CLDN1: variants seen among roughly 807,000 people sequenced by gnomAD.
CLDN1 encodes claudin 1, also known as claudin-1.
A neutral mutation model predicts 22.6 loss-of-function variants in CLDN1; 12 were observed. That is an observed-to-expected ratio of 0.53 (90% CI 0.34 to 0.86). CLDN1 has a LOEUF of 0.86. Among genes scored for constraint, CLDN1 ranks in the 40% least tolerant of loss-of-function variants. CLDN1 has a pLI of 0.02. For missense variants in CLDN1, 250 were observed against 269.5 expected, an observed-to-expected ratio of 0.93 and a Z score of 0.51; for synonymous variants, 99 against 103.8, an observed-to-expected ratio of 0.95 and a Z score of 0.28.
chr3:190,316,548 A>G (rs1716775100), intron 1 of CLDN1, among the ~76,000 whole-genome samples: 1 of 152,234 alleles, frequency 6.6e-6, no homozygotes, highest in South Asian at 2.1e-4. Context: ...TTTTATGTGC[A>G]GATCAAATCT....
chr3:190,316,423 G>A (rs971575281), intron 1 of CLDN1, among the ~76,000 whole-genome samples: 3 of 152,192 alleles, frequency 2.0e-5, no homozygotes, highest in Admixed American at 6.5e-5. Flanking sequence ...ATATACACAT[G>A]TAGTCACGCA....
At position 190,312,222 on chromosome 3, in the gene CLDN1, C is replaced by T. The variant is rs112210749; in HGVS notation, c.388+650G>A. ...CTGGGATTACAGGCGTGAACCACCA[C>T]ACCTGGCCTAAAAAACACGTATTTA... is the stretch of plus-strand genomic sequence containing the variant. On this transcript the variant is annotated intron_variant, in intron 2 of 3. Coordinates refer to ENST00000295522, the MANE Select transcript of CLDN1 (RefSeq NM_021101.5). Among the ~76,000 whole-genome samples the T allele has an allele frequency of 6.4e-4, 98 of 152,182 alleles. 1 individual carries two copies. Among genetic ancestry groups the T allele is most frequent in the Middle Eastern group, 3.4e-3 (1 of 294 alleles).
intron 3 of CLDN1, among the ~76,000 whole-genome samples, chr3:190,309,482 T>C (rs1305490274): frequency 6.6e-6 from 1 of 152,206 alleles, no homozygotes; most frequent in Non-Finnish European, 1.5e-5. Flanking sequence ...ATAATTATAT[T>C]TTAACATCCT....
chr3:190,319,625 A>G (rs3774019), intron 1 of CLDN1, among the ~76,000 whole-genome samples: 44,256 of 152,106 alleles, frequency 0.29, 6,716 homozygotes, highest in East Asian at 0.57. Context: ...CGGGAAGACA[A>G]GTGTGCTCTA....
intron 1 of CLDN1, 40 bp downstream of exon 1, chr3:190,321,944 G>A (rs1029635385): frequency 1.3e-6 from 2 of 1,526,962 alleles, no homozygotes; most frequent in African/African-American, 2.7e-5. Flanking sequence ...AGGGGGACTG[G>A]GGCCTCTGGA....
chr3:190,322,346 C>T lies in CLDN1; in HGVS notation c.-140G>A. 1.3e-6 allele frequency: 1 copy of T among 783,388 alleles called. No homozygotes were observed. The highest frequency in any genetic ancestry group is 2.1e-6 in the Non-Finnish European group (1 of 469,994). 48.5% of individuals were successfully genotyped at this position (783,388 alleles called of 1,614,324 possible). On this transcript the variant is annotated 5_prime_UTR_variant, in exon 1 of 4. Transcript: ENST00000295522. The stretch of plus-strand genomic sequence containing the variant: ...CGGGGAGCCCTGCTCGCTGCGCCGC[C>T]GCTGGAGAAGCTCTGGGTCGGGGTT...
chr3:190,311,488 T>C (rs1179304581), intron 2 of CLDN1, among the ~76,000 whole-genome samples: 2 of 152,174 alleles, frequency 1.3e-5, no homozygotes, highest in Non-Finnish European at 2.9e-5. Context: ...TAAACTGACA[T>C]ATTATACTGA....
At chr3:190,313,438 T>C (rs1358971184) in intron 1 of CLDN1, among the ~76,000 whole-genome samples, 2 of 152,244 alleles carry the variant, frequency 1.3e-5, no homozygotes, top group Admixed American at 1.3e-4. Context: ...GTTAACTATT[T>C]GTAATCAAAA....
rs183118217 is a variant in CLDN1 at position 190,316,657 on chromosome 3, G to T, written c.224-3621C>A. Among the ~76,000 whole-genome samples the T allele has an allele frequency of 3.2e-3, 486 of 152,290 alleles. 1 individual carries two copies. The highest frequency in any genetic ancestry group is 0.011 in the African/African-American group (455 of 41,568). On this transcript the variant is annotated intron_variant, in intron 1 of 3. Coordinates refer to ENST00000295522, the MANE Select transcript of CLDN1 (RefSeq NM_021101.5). ...AGTATGTAATCATGAACTCCTGGAT[G>T]ATTTGAGTCAGATATTTATTCCTAT...
Position 190,308,090 on chromosome 3 carries a change from T to C in CLDN1, c.*187A>G. The C allele has an allele frequency of 1.5e-6, 1 of 650,224 alleles. No individual in the cohort carries two copies. Among genetic ancestry groups the C allele is most frequent in the Non-Finnish European group, 2.6e-6 (1 of 381,392 alleles). 40.3% of individuals were successfully genotyped at this position (650,224 alleles called of 1,614,324 possible). A position where few individuals can be genotyped will look rare whatever the true frequency, so the allele number is the denominator to read the frequency against. ...TCCCTCCTATATTGAGGAAAGAAGA[T>C]AAAATAAGATTAAGCCATGTTTAGC... On this transcript the variant is annotated 3_prime_UTR_variant, in exon 4 of 4. Coordinates refer to ENST00000295522, the MANE Select transcript of CLDN1 (RefSeq NM_021101.5).
chr3:190,313,731 G>A (rs377766257), intron 1 of CLDN1, among the ~76,000 whole-genome samples: 2 of 152,110 alleles, frequency 1.3e-5, no homozygotes, highest in African/African-American at 2.4e-5. Context: ...TATTTAAGCT[G>A]CCATGTTGTA....
In CLDN1 at chr3:190,312,963, G is replaced by A. The variant is rs774995834; in HGVS notation, c.297C>T (p.Thr99=). The change falls in exon 2 of 4, where the codon ACC becomes ACT. Residue 99 remains threonine (T), a synonymous_variant. Coordinates refer to ENST00000295522, the MANE Select transcript of CLDN1 (RefSeq NM_021101.5). ...LLGVIAIFVA[T]VGMKCMKCLE... ...AGCACTTCATACACTTCATGCCAAC[G>A]GTGGCCACAAAGATTGCTATCACTC... 233 of 1,613,974 alleles carry A rather than the reference G, an allele frequency of 1.4e-4. No individual in the cohort carries two copies. The highest frequency in any genetic ancestry group is 1.6e-4 in the Non-Finnish European group (193 of 1,180,010).
Position 190,312,861 on chromosome 3 carries a change from G to A in CLDN1, c.388+11C>T, listed in dbSNP as rs1179875846. ...GTTAGTAAGGTGAAAGGGGGGCACA[G>A]CCTCTATTACCTGCAAGAAGAAATA... On this transcript the variant is annotated intron_variant, in intron 2 of 3. Transcript: ENST00000295522. 6.2e-7 allele frequency: 1 copy of A among 1,613,550 alleles called. No individual in the cohort carries two copies. The highest frequency in any genetic ancestry group is 1.1e-5 in the South Asian group (1 of 91,064).
intron 1 of CLDN1, 135 bp from the exon 2 acceptor site, chr3:190,313,171 T>C: frequency 1.0e-6 from 1 of 955,018 alleles, no homozygotes; most frequent in Non-Finnish European, 1.6e-6. Context: ...CCAGTCATAC[T>C]GATGTTTCCG....
In CLDN1 at chr3:190,322,218, G is replaced by C; in HGVS notation, c.-12C>G. On this transcript the variant is annotated 5_prime_UTR_variant, in exon 1 of 4. Transcript: ENST00000295522. The stretch of plus-strand genomic sequence containing the variant: ...CCCGCGTTGGCCATGACTCGCTCGG[G>C]CGCCCGCGCTGGCTCAGGGGTGGCA... 4 of 1,612,756 alleles carry C rather than the reference G, an allele frequency of 2.5e-6. No individual in the cohort carries two copies. The highest frequency in any genetic ancestry group is 3.4e-6 in the Non-Finnish European group (4 of 1,179,652).
intron 1 of CLDN1, among the ~76,000 whole-genome samples, chr3:190,317,534 T>C (rs560687018): frequency 1.5e-4 from 23 of 152,360 alleles, no homozygotes; most frequent in African/African-American, 5.5e-4. Flanking sequence ...GTAATTTTTC[T>C]AAAGCTTGAA....
intron 1 of CLDN1, among the ~76,000 whole-genome samples, chr3:190,321,416 T>A (rs1716918221): frequency 6.6e-6 from 1 of 152,184 alleles, no homozygotes; most frequent in Non-Finnish European, 1.5e-5. Flanking sequence ...TAACTGGATC[T>A]TATAAATTAA....
chr3:190,312,784 A>T, intron 2 of CLDN1, 88 bp downstream of exon 2: 1 of 1,480,212 alleles, frequency 6.8e-7, no homozygotes, highest in African/African-American at 1.4e-5. Flanking sequence ...TAGAGACTGA[A>T]ATCAAGTATA....
intron 1 of CLDN1, among the ~76,000 whole-genome samples, chr3:190,320,943 A>G (rs1716900571): frequency 6.6e-6 from 1 of 150,696 alleles, no homozygotes; most frequent in Admixed American, 6.6e-5. Flanking sequence ...TCGGACAAGG[A>G]ACTCGAAACC....
Sources: allele counts gnomAD v4.1 joint callset (sites outside exome capture counted in the v4.1 genomes callset), GRCh38; gene constraint gnomAD v4.1.1; transcripts MANE v1.5; gene names NCBI Gene and HGNC (gene_info 2026-07-23, HGNC 2026-07-21).